PPFIA2: variants seen among roughly 807,000 people sequenced by gnomAD.
The protein encoded by PPFIA2 is PPFI scaffold protein A2.
Under a neutral mutation model 175.5 loss-of-function variants are expected in PPFIA2, and 46 were observed. That is an observed-to-expected ratio of 0.26 (90% confidence interval 0.21 to 0.34). The LOEUF (loss-of-function observed/expected upper bound fraction) is 0.34. Among genes scored for constraint, PPFIA2 ranks in the 10% least tolerant of loss-of-function variants. The pLI, the probability that PPFIA2 is intolerant of heterozygous loss-of-function variation, is 1.00. For missense variants in PPFIA2, 1,179 were observed against 1,506.1 expected, an observed-to-expected ratio of 0.78 and a Z score of 3.60; for synonymous variants, 568 against 511.4, an observed-to-expected ratio of 1.11 and a Z score of -1.49.
chr12:81,392,748 T>C (rs1246047490), intron 8 of PPFIA2, among the ~76,000 whole-genome samples: 2 of 152,014 alleles, frequency 1.3e-5, no homozygotes, highest in African/African-American at 2.4e-5. Flanking sequence ...AAACTCAATA[T>C]GTTTAAAATC....
intron 4 of PPFIA2, among the ~76,000 whole-genome samples, chr12:81,496,848 T>C (rs777823042): frequency 6.6e-6 from 1 of 152,192 alleles, no homozygotes; most frequent in Non-Finnish European, 1.5e-5. Context: ...GGGAGCCAAC[T>C]TTGAGGCATA....
At chr12:81,371,730 C>A (rs1027887568) in intron 11 of PPFIA2, among the ~76,000 whole-genome samples, 5 of 151,616 alleles carry the variant, frequency 3.3e-5, no homozygotes, top group Admixed American at 2.0e-4. Flanking sequence ...AAGGAATATG[C>A]ATTTTAATTA....
At chr12:81,590,195 T>C (rs1028674284) in intron 4 of PPFIA2, among the ~76,000 whole-genome samples, 1 of 152,188 alleles carries the variant, frequency 6.6e-6, no homozygotes, top group Non-Finnish European at 1.5e-5. Context: ...TGTATATTGT[T>C]ACTTTGTCTT....
chr12:81,653,721 A>G (rs1012803242), intron 4 of PPFIA2, among the ~76,000 whole-genome samples: 33 of 152,058 alleles, frequency 2.2e-4, no homozygotes, highest in African/African-American at 7.0e-4. Flanking sequence ...TTGAGGGGAC[A>G]ATATTTAACC....
chr12:81,627,824 G>A (rs960964075), intron 4 of PPFIA2, among the ~76,000 whole-genome samples: 4 of 151,960 alleles, frequency 2.6e-5, no homozygotes, highest in Non-Finnish European at 5.9e-5. Context: ...AACATTGTAT[G>A]TCTTTTTTTC....
At chr12:81,553,310 A>C (rs760910522) in intron 4 of PPFIA2, among the ~76,000 whole-genome samples, 1 of 152,092 alleles carries the variant, frequency 6.6e-6, no homozygotes, top group Non-Finnish European at 1.5e-5. Flanking sequence ...TTAATAATTA[A>C]AACTGTGCCT....
At position 81,754,141 on chromosome 12, in the gene PPFIA2, T is replaced by C; in HGVS notation, c.81A>G (p.Ser27=). 6.2e-7 allele frequency: 1 copy of C among 1,613,456 alleles called. No homozygotes were observed. Among genetic ancestry groups the C allele is most frequent in the East Asian group, 2.2e-5 (1 of 44,864 alleles). The change falls in exon 3 of 33, where the codon TCA becomes TCG. Residue 27 remains serine, a synonymous_variant. Transcript: ENST00000549396. The part of the protein sequence containing the change: ...QRGSQSSGSD[S]DSHFEQLMVN... Reference sequence around the variant, plus strand: ...CCATCAGCTGCTCAAAATGGGAGTCTGAGTCCGAGCCACTGCTTTGGGACC... The same window carrying C: ...CCATCAGCTGCTCAAAATGGGAGTCCGAGTCCGAGCCACTGCTTTGGGACC...
chr12:81,752,986 G>A (rs2084059284), intron 3 of PPFIA2, among the ~76,000 whole-genome samples: 1 of 150,264 alleles, frequency 6.7e-6, no homozygotes, highest in Admixed American at 6.6e-5. Context: ...CCAGGCTGGA[G>A]TGCAGTGGCG....
At chr12:81,672,410 T>C (rs1396120270) in intron 4 of PPFIA2, among the ~76,000 whole-genome samples, 1 of 151,892 alleles carries the variant, frequency 6.6e-6, no homozygotes, top group East Asian at 1.9e-4. Flanking sequence ...CTGTGGTGTG[T>C]TTATCTAAAT....
chr12:81,380,537 GA>G (rs5799525), intron 9 of PPFIA2, among the ~76,000 whole-genome samples: 53,391 of 150,976 alleles, frequency 0.35, 10,172 homozygotes, highest in East Asian at 0.54. Context: ...CCTGCTTATT[GA>G]AAAAAAAAGA....
chr12:81,570,731 T>A (rs923526826), intron 4 of PPFIA2, among the ~76,000 whole-genome samples: 3 of 148,862 alleles, frequency 2.0e-5, no homozygotes, highest in Non-Finnish European at 3.0e-5. Flanking sequence ...ATATATAAAA[T>A]ATATCAATTA....
At chr12:81,329,864 C>A (rs1223719206) in intron 21 of PPFIA2, among the ~76,000 whole-genome samples, 1 of 152,190 alleles carries the variant, frequency 6.6e-6, no homozygotes, top group East Asian at 1.9e-4. Flanking sequence ...TGATTAGACC[C>A]CGGGTCCGGG....
chr12:81,481,176 A>C (rs1198067894), intron 4 of PPFIA2, among the ~76,000 whole-genome samples: 1 of 152,168 alleles, frequency 6.6e-6, no homozygotes, highest in African/African-American at 2.4e-5. Context: ...TAGGAATACA[A>C]CTCACAAGGG....
chr12:81,551,125 T>A (rs758110102), intron 4 of PPFIA2, among the ~76,000 whole-genome samples: 5 of 152,100 alleles, frequency 3.3e-5, no homozygotes, highest in Admixed American at 6.6e-5. Context: ...GCTAGAAATG[T>A]ACGCTCAGAA....
intron 3 of PPFIA2, among the ~76,000 whole-genome samples, chr12:81,732,436 T>C (rs2081029706): frequency 6.6e-6 from 1 of 150,916 alleles, no homozygotes; most frequent in Non-Finnish European, 1.5e-5. Flanking sequence ...TTCTTCCTCT[T>C]TATATGTTGG....
At chr12:81,468,568 A>G (rs2056160759) in intron 4 of PPFIA2, among the ~76,000 whole-genome samples, 1 of 152,212 alleles carries the variant, frequency 6.6e-6, no homozygotes, top group Admixed American at 6.5e-5. Flanking sequence ...GACACACAAA[A>G]TAGCATTCGA....
chr12:81,500,324 C>A (rs956403761), intron 4 of PPFIA2, among the ~76,000 whole-genome samples: 4 of 152,110 alleles, frequency 2.6e-5, no homozygotes, highest in Admixed American at 6.6e-5. Flanking sequence ...TACACTACCC[C>A]CTCCCAACTT....
intron 3 of PPFIA2, among the ~76,000 whole-genome samples, chr12:81,703,422 C>T (rs1449592861): frequency 6.6e-6 from 1 of 152,052 alleles, no homozygotes; most frequent in Non-Finnish European, 1.5e-5. Context: ...CAAGTCCTAT[C>T]CCTTAAGTAG....
At chr12:81,364,960 G>A (rs918985571) in intron 14 of PPFIA2, among the ~76,000 whole-genome samples, 1 of 151,684 alleles carries the variant, frequency 6.6e-6, no homozygotes, top group African/African-American at 2.4e-5. Context: ...AGTGGGGTGA[G>A]AATAGACTGG....
Sources: allele counts gnomAD v4.1 joint callset (sites outside exome capture counted in the v4.1 genomes callset), GRCh38; gene constraint gnomAD v4.1.1; transcripts MANE v1.5; gene names NCBI Gene and HGNC (gene_info 2026-07-23, HGNC 2026-07-21).